HELZ: variants seen among roughly 807,000 people sequenced by gnomAD.
HELZ encodes the protein helicase with zinc finger.
Under a neutral mutation model 218.2 loss-of-function variants are expected in HELZ, and 23 were observed. The ratio of observed to expected loss-of-function variants is 0.11; its 90% CI spans 0.08 to 0.15. HELZ has a LOEUF of 0.15. HELZ is among the 10% of genes least tolerant of loss of function. The probability of loss-of-function intolerance (pLI) is 1.00; values close to 1 mark genes in which losing one functional copy is unlikely to be tolerated. For synonymous variants in HELZ, 814 were observed against 829.4 expected, an observed-to-expected ratio of 0.98 and a Z score of 0.32; for missense variants, 1,813 against 2,353.7, an observed-to-expected ratio of 0.77 and a Z score of 4.75.
chr17:67,116,607 G>T (rs180788666), intron 27 of HELZ, among the ~76,000 whole-genome samples: 1 of 152,102 alleles, frequency 6.6e-6, no homozygotes, highest in East Asian at 1.9e-4. Flanking sequence ...GACAAAGAAG[G>T]TCATTCCATA....
At chr17:67,238,745 T>C (rs1346222797) in intron 3 of HELZ, among the ~76,000 whole-genome samples, 4 of 152,210 alleles carry the variant, frequency 2.6e-5, no homozygotes, top group South Asian at 2.1e-4. Context: ...AAAAGCCTTC[T>C]AATTTATTTC....
intron 16 of HELZ, 61 bp downstream of exon 16, chr17:67,160,836 A>T: frequency 1.6e-6 from 2 of 1,247,520 alleles, no homozygotes; most frequent in Non-Finnish European, 2.2e-6. Flanking sequence ...TTGTGTATTT[A>T]AAACAAGAAC....
chr17:67,244,075 T>C (rs2041398524), intron 1 of HELZ: 1 of 733,202 alleles, frequency 1.4e-6, no homozygotes, highest in African/African-American at 1.9e-5. Context: ...CATAATAAAA[T>C]CATCTTTTTC....
chr17:67,109,588 T>G lies in HELZ; in HGVS notation c.4017A>C (p.Pro1339=). 1 of 1,614,206 alleles carries G rather than the reference T, an allele frequency of 6.2e-7. No individual in the cohort carries two copies. Among genetic ancestry groups the G allele is most frequent in the Non-Finnish European group, 8.5e-7 (1 of 1,180,032 alleles). The part of the protein sequence containing the change: ...TKFPRKDNLN[P]RHINLPLPAP... ...CAGGAAGGGGAAGATTTATGTGTCTTGGGTTGAGATTATCTTTGCGAGGAA... is the reference window on the plus strand; with the variant it reads ...CAGGAAGGGGAAGATTTATGTGTCTGGGGTTGAGATTATCTTTGCGAGGAA... Residue 1339 remains proline (P), a synonymous_variant, in exon 29 of 33, where the codon CCA becomes CCC. Transcript: ENST00000358691.
At chr17:67,244,522 G>C (rs1442812559) in intron 1 of HELZ, 2 of 845,258 alleles carry the variant, frequency 2.4e-6, no homozygotes, top group Non-Finnish European at 2.8e-6. Flanking sequence ...CAGGAAAAGA[G>C]AGCCTATCTT....
chr17:67,162,267 T>A (rs1172062399), intron 15 of HELZ, among the ~76,000 whole-genome samples: 2 of 152,140 alleles, frequency 1.3e-5, no homozygotes, highest in African/African-American at 2.4e-5. Context: ...TATATATAAC[T>A]GTTATATTAT....
At chr17:67,095,254 T>G (rs1408583619) in intron 31 of HELZ, among the ~76,000 whole-genome samples, 1 of 152,184 alleles carries the variant, frequency 6.6e-6, no homozygotes, top group Admixed American at 6.5e-5. Context: ...AATTTCTCAC[T>G]GGGCTCAGTG....
intron 15 of HELZ, 129 bp from the exon 16 acceptor site, chr17:67,161,205 G>T: frequency 1.6e-6 from 1 of 633,094 alleles, no homozygotes; most frequent in East Asian, 3.0e-5. Context: ...AAAAACAAAT[G>T]CTTATTCTAA....
intron 15 of HELZ, among the ~76,000 whole-genome samples, chr17:67,162,662 T>C (rs2039024629): frequency 1.3e-5 from 2 of 152,034 alleles, no homozygotes; most frequent in African/African-American, 4.8e-5. Context: ...TCTGATCAAT[T>C]AGATGCAGGA....
In HELZ at chr17:67,109,497, G is replaced by C. The variant is rs750348546; in HGVS notation, c.4108C>G (p.Pro1370Ala). 7 of 1,614,186 alleles carry C rather than the reference G, an allele frequency of 4.3e-6. No individual in the cohort carries two copies. In the East Asian group the frequency reaches 1.6e-4, roughly 36 times the overall value. Residue 1370 changes from proline (P) to alanine (A), a missense_variant, in exon 29 of 33, where the codon CCC (proline) becomes GCC (alanine). Physicochemically the swap from Pro to Ala is conservative, Grantham distance 27. This residue lies in a region of HELZ where 938 missense variants were observed against 1,027.5 expected (regional missense o/e 0.91). Coordinates refer to ENST00000358691, the MANE Select transcript of HELZ (RefSeq NM_014877.4). ...FHPLPQLPRP[P>A]FPIPQQHTLL... is the part of the protein sequence containing the mutation. Reference sequence around the variant, plus strand: ...GTGTGCTGCTGTGGAATTGGAAAGGGTGGTCTTGGTAGCTGGGGAAGGGGA... The same window carrying C: ...GTGTGCTGCTGTGGAATTGGAAAGGCTGGTCTTGGTAGCTGGGGAAGGGGA...
chr17:67,128,602 C>T (rs764293241), intron 24 of HELZ, 49 bp downstream of exon 24: 16 of 1,510,058 alleles, frequency 1.1e-5, no homozygotes, highest in African/African-American at 5.5e-5. Flanking sequence ...GGCACTTCTG[C>T]GAAGTTTTCT....
intron 31 of HELZ, among the ~76,000 whole-genome samples, chr17:67,089,455 T>C (rs550593804): frequency 6.6e-6 from 1 of 152,064 alleles, no homozygotes; most frequent in East Asian, 1.9e-4. Flanking sequence ...ATCACTCAGT[T>C]GACATGCACA....
chr17:67,091,139 C>G (rs571347095), intron 31 of HELZ, among the ~76,000 whole-genome samples: 1 of 151,960 alleles, frequency 6.6e-6, no homozygotes, highest in Non-Finnish European at 1.5e-5. Flanking sequence ...TAAAACATTT[C>G]TAATATTTCT....
chr17:67,185,516 A>G (rs2039730101), intron 12 of HELZ, among the ~76,000 whole-genome samples: 1 of 152,216 alleles, frequency 6.6e-6, no homozygotes, highest in Non-Finnish European at 1.5e-5. Context: ...AAGTTATCAA[A>G]GAGCTAAAAA....
chr17:67,103,980 C>T (rs896572940), intron 31 of HELZ, among the ~76,000 whole-genome samples: 3 of 152,150 alleles, frequency 2.0e-5, no homozygotes, highest in Admixed American at 6.5e-5. Flanking sequence ...GTTGCCAAGA[C>T]TATTCAATGG....
intron 31 of HELZ, among the ~76,000 whole-genome samples, chr17:67,104,332 C>G (rs887908319): frequency 6.7e-6 from 1 of 150,078 alleles, no homozygotes; most frequent in African/African-American, 2.4e-5. Flanking sequence ...CCAGCTATTC[C>G]GGAGGGTGAG....
intron 13 of HELZ, among the ~76,000 whole-genome samples, chr17:67,171,040 T>TTC (rs201853099): frequency 4.5e-4 from 57 of 127,630 alleles, no homozygotes; most frequent in African/African-American, 2.1e-3. Context: ...ATGTACAGTT[T>TTC]TTTTTTTTTT....
At chr17:67,189,250 G>C (rs910025560) in intron 11 of HELZ, among the ~76,000 whole-genome samples, 1 of 152,002 alleles carries the variant, frequency 6.6e-6, no homozygotes, top group African/African-American at 2.4e-5. Flanking sequence ...AAAAATCTTA[G>C]AACTACTAGA....
chr17:67,108,773 G>A lies in HELZ; in HGVS notation c.4490-47C>T, dbSNP rs752292526. The A allele has an allele frequency of 2.8e-5, 39 of 1,379,126 alleles. No homozygotes were observed. The highest frequency in any genetic ancestry group is 3.9e-5 in the Non-Finnish European group (39 of 1,008,136). 85.4% of individuals were successfully genotyped at this position (1,379,126 alleles called of 1,614,324 possible). On this transcript the variant is annotated intron_variant, in intron 29 of 32. Transcript: ENST00000358691. This position sits in a 1 kb window ranked among gnomAD's most constrained non-coding sequence, Gnocchi z 4.1. The stretch of plus-strand genomic sequence containing the variant: ...ATTTTTTATGAATTTGGGGTTTCAA[G>A]TTCATTATTTAAAGTTTTTTACTAA...
Sources: gnomAD v4.1 joint callset for allele counts (sites outside exome capture counted in the v4.1 genomes callset) on GRCh38, gnomAD v4.1.1 for gene constraint, gnomAD v4.1.1 regional missense constraint, Gnocchi (gnomAD v3.1) non-coding constraint, MANE v1.5 for transcripts, NCBI Gene and HGNC (gene_info 2026-07-23, HGNC 2026-07-21) for gene names.